The following CD109 variants were observed in gnomAD, a reference collection of about 807,000 sequenced individuals.
The protein encoded by CD109 is CD109 antigen.
CD109 carries 149 observed loss-of-function variants against 165.8 expected under a neutral mutation model. The observed-to-expected ratio is 0.90, with a 90% CI of 0.79 to 1.03. The LOEUF is 1.03. Ranked by LOEUF, CD109 falls within the 50% of genes least tolerant of loss-of-function variation. The pLI is 0.00. For missense variants in CD109, 1,712 were observed against 1,677.8 expected, an observed-to-expected ratio of 1.02 and a Z score of -0.36; for synonymous variants, 585 against 592.1, an observed-to-expected ratio of 0.99 and a Z score of 0.18.
rs138368409 is a variant in CD109, at chr6:73,745,700, T to C, written c.633+9192T>C. ...CTGTCACCTCACAGCCTCTATAACC[T>C]TGGTCATATGAGGCTTACAAAGATT... On this transcript the variant is annotated intron_variant, in intron 5 of 32. Coordinates refer to ENST00000287097, the MANE Select transcript of CD109 (RefSeq NM_133493.5). Among the ~76,000 whole-genome samples, 486 of 152,254 alleles carry C rather than the reference T, an allele frequency of 3.2e-3. 6 individuals are homozygous for C. The highest frequency in any genetic ancestry group is 0.011 in the African/African-American group (461 of 41,528).
At chr6:73,689,186 CAT>C in the CD109 span, among the ~76,000 whole-genome samples, 2 of 152,174 alleles carry the variant, frequency 1.3e-5, no homozygotes, top group Non-Finnish European at 2.9e-5. Context: ...AACTGGGAAA[CAT>C]AGTTTCCCTG....
At chr6:73,753,823 G>C (rs952136614) in intron 5 of CD109, among the ~76,000 whole-genome samples, 1 of 152,188 alleles carries the variant, frequency 6.6e-6, no homozygotes, top group African/African-American at 2.4e-5. Context: ...ATGTATTGCA[G>C]GAGATGCTGC....
At chr6:73,709,619 C>A (rs1418465620) in intron 2 of CD109, among the ~76,000 whole-genome samples, 1 of 152,084 alleles carries the variant, frequency 6.6e-6, no homozygotes, top group African/African-American at 2.4e-5. Context: ...GATACCAAAG[C>A]CTGGCAGAGA....
intron 23 of CD109, among the ~76,000 whole-genome samples, chr6:73,795,654 A>G (rs769865653): frequency 1.3e-5 from 2 of 152,170 alleles, no homozygotes; most frequent in Non-Finnish European, 2.9e-5. Flanking sequence ...CCCAAGTGTT[A>G]AGAATGCCGA....
intron 22 of CD109, among the ~76,000 whole-genome samples, chr6:73,791,192 CATATATAT>C (rs58117133): frequency 0.025 from 1,758 of 69,176 alleles, 175 homozygotes; most frequent in African/African-American, 0.12. Context: ...CACACACATA[CATATATAT>C]ATATATATAT....
intron 5 of CD109, among the ~76,000 whole-genome samples, chr6:73,756,091 C>T (rs1773379979): frequency 6.6e-6 from 1 of 152,042 alleles, no homozygotes; most frequent in Non-Finnish European, 1.5e-5. Context: ...CTATTATAAC[C>T]ACATAGGATG....
rs1470424356 is a variant in CD109 at position 73,808,176 on chromosome 6, G to A, written c.3283G>A (p.Ala1095Thr). 7 of 1,613,572 alleles carry A rather than the reference G, an allele frequency of 4.3e-6. No individual in the cohort carries two copies. The highest frequency in any genetic ancestry group is 5.9e-6 in the Non-Finnish European group (7 of 1,179,644). The change falls in exon 26 of 33, where the codon GCA becomes ACA. Residue 1095 changes from alanine (A) to threonine (T), a missense_variant. Ala to Thr is a moderately conservative substitution (Grantham distance 58, BLOSUM62 0). Coordinates refer to ENST00000287097, the MANE Select transcript of CD109 (RefSeq NM_133493.5). ...DNYTLALITY[A>T]LSSVGSPKAK... is the part of the protein sequence containing the mutation. ...TTATACTCTAGCCCTTATAACTTAT[G>A]CATTGTCATCAGTGGGGAGTCCTAA... is the stretch of plus-strand genomic sequence containing the variant.
chr6:73,780,761 A>G (rs1317323183), intron 16 of CD109, among the ~76,000 whole-genome samples: 1 of 146,724 alleles, frequency 6.8e-6, no homozygotes, highest in Non-Finnish European at 1.5e-5. Flanking sequence ...CCATATAAAT[A>G]TATTTTATGT....
At chr6:73,759,185 A>T (rs186658164) in intron 7 of CD109, among the ~76,000 whole-genome samples, 157 bp downstream of exon 7, 52 of 152,312 alleles carry the variant, frequency 3.4e-4, no homozygotes, top group Admixed American at 1.2e-3. Flanking sequence ...TAAGCATGGG[A>T]CAGAGCTCCA....
chr6:73,820,375 T>A, intron 31 of CD109, 86 bp from the exon 32 acceptor site: 1 of 689,562 alleles, frequency 1.5e-6, no homozygotes, highest in Non-Finnish European at 2.4e-6. Flanking sequence ...CTCTGTTTCC[T>A]AAAATGATGA....
chr6:73,696,402 T>C (rs1770844181), intron 1 of CD109, 113 bp downstream of exon 1: 1 of 887,844 alleles, frequency 1.1e-6, no homozygotes, highest in African/African-American at 1.8e-5. Flanking sequence ...GGGTGGGAAA[T>C]GCCCTCGCGG....
chr6:73,716,368 G>A (rs1771745726), intron 2 of CD109, among the ~76,000 whole-genome samples: 1 of 152,174 alleles, frequency 6.6e-6, no homozygotes, highest in Non-Finnish European at 1.5e-5. Context: ...GTTCTCCATA[G>A]TGGTTGTGCT....
intron 26 of CD109, among the ~76,000 whole-genome samples, chr6:73,809,669 G>A (rs2150298524): frequency 6.6e-6 from 1 of 152,180 alleles, no homozygotes; most frequent in African/African-American, 2.4e-5. Context: ...ATTTTGGAAT[G>A]TATGTATGCT....
chr6:73,761,768 G>A (rs1163504342), intron 7 of CD109, among the ~76,000 whole-genome samples: 1 of 152,046 alleles, frequency 6.6e-6, no homozygotes, highest in East Asian at 2.0e-4. Flanking sequence ...TGATCCACCA[G>A]CCTCGGCCTC....
intron 5 of CD109, among the ~76,000 whole-genome samples, chr6:73,741,315 C>G (rs1772777446): frequency 6.6e-6 from 1 of 152,142 alleles, no homozygotes; most frequent in South Asian, 2.1e-4. Flanking sequence ...GTGACCAAGT[C>G]TTCTACTTCT....
the CD109 span, among the ~76,000 whole-genome samples, chr6:73,686,306 CCTCT>C: frequency 8.5e-5 from 13 of 152,244 alleles, no homozygotes; most frequent in African/African-American, 1.2e-4. Context: ...TTGTTGATGT[CCTCT>C]CTATTTTTCC....
chr6:73,683,155 T>G, the CD109 span, among the ~76,000 whole-genome samples: 4 of 152,232 alleles, frequency 2.6e-5, no homozygotes, highest in Non-Finnish European at 5.9e-5. Flanking sequence ...TGCTTTTCTA[T>G]TGCATTGTCA....
At chr6:73,719,627 A>T (rs1771870972) in intron 2 of CD109, among the ~76,000 whole-genome samples, 1 of 152,312 alleles carries the variant, frequency 6.6e-6, no homozygotes, top group Non-Finnish European at 1.5e-5. Context: ...CACCCTCTCC[A>T]CACATGCTCA....
intron 5 of CD109, among the ~76,000 whole-genome samples, chr6:73,746,142 A>G (rs142908404): frequency 3.3e-5 from 5 of 152,358 alleles, no homozygotes; most frequent in East Asian, 1.9e-4. Context: ...CAGTGGTTAT[A>G]TCTTATGTTA....
Sources: allele counts gnomAD v4.1 joint callset (sites outside exome capture counted in the v4.1 genomes callset), GRCh38; gene constraint gnomAD v4.1.1; transcripts MANE v1.5; gene names NCBI Gene and HGNC (gene_info 2026-07-23, HGNC 2026-07-21).